MAML3: variants seen among roughly 807,000 people sequenced by gnomAD.
MAML3 encodes the protein mastermind-like protein 3.
In MAML3, 27 loss-of-function variants were observed where a neutral mutation model predicts 101.9. That is an observed-to-expected ratio of 0.27 (90% CI 0.20 to 0.37). The LOEUF (loss-of-function observed/expected upper bound fraction) is 0.37, where lower values mean the gene tolerates loss of function less well. Ranked by LOEUF, MAML3 falls within the 10% of genes least tolerant of loss-of-function variation. The probability of loss-of-function intolerance (pLI) is 1.00; values close to 1 mark genes in which losing one functional copy is unlikely to be tolerated. For missense variants in MAML3, 1,316 were observed against 1,444.9 expected (o/e 0.91, Z 1.45); for synonymous variants, 501 against 555.9 (o/e 0.90, Z 1.39).
intron 2 of MAML3, among the ~76,000 whole-genome samples, chr4:139,749,100 C>T (rs1023484683): frequency 6.6e-6 from 1 of 152,102 alleles, no homozygotes; most frequent in East Asian, 1.9e-4. Context: ...ATATTTCCTT[C>T]CTCAGGAAAG....
chr4:139,975,278 C>T lies in MAML3; in HGVS notation c.469-84311G>A, dbSNP rs553355241. Among the ~76,000 whole-genome samples the T allele has an allele frequency of 4.6e-5, 7 of 152,274 alleles. No homozygotes were observed. In the East Asian group the frequency reaches 9.7e-4, roughly 21 times the overall value. Reference sequence around the variant, plus strand: ...GGCACACTTCAAGCATTTTCACATGCGTTTCCTCTGCCTAGACTGCTCTTT... The same window carrying T: ...GGCACACTTCAAGCATTTTCACATGTGTTTCCTCTGCCTAGACTGCTCTTT... On this transcript the variant is annotated intron_variant, in intron 1 of 4. Transcript: ENST00000509479.
intron 1 of MAML3, among the ~76,000 whole-genome samples, chr4:139,934,211 A>G (rs1184292423): frequency 6.6e-6 from 1 of 151,388 alleles, no homozygotes; most frequent in Non-Finnish European, 1.5e-5. Context: ...TCTGTGTGTG[A>G]TGTATGTATT....
chr4:139,970,711 TC>T (rs1017473253), intron 1 of MAML3, among the ~76,000 whole-genome samples: 3 of 152,202 alleles, frequency 2.0e-5, no homozygotes, highest in African/African-American at 7.2e-5. Context: ...GGGCTCACTC[TC>T]CTGAGGTTCT....
chr4:140,043,787 C>A (rs369057952), intron 1 of MAML3, among the ~76,000 whole-genome samples: 2 of 152,184 alleles, frequency 1.3e-5, no homozygotes, highest in South Asian at 2.1e-4. Context: ...CAGAAAAGTA[C>A]GTTGAAAATC....
chr4:139,891,569 T>G (rs755452118), intron 1 of MAML3, among the ~76,000 whole-genome samples: 2 of 152,176 alleles, frequency 1.3e-5, no homozygotes, highest in Non-Finnish European at 2.9e-5. Context: ...TGAGCCACCA[T>G]GAATGCTAGA....
chr4:139,951,628 G>A (rs577155925), intron 1 of MAML3, among the ~76,000 whole-genome samples: 1 of 152,306 alleles, frequency 6.6e-6, no homozygotes, highest in Non-Finnish European at 1.5e-5. Flanking sequence ...CTCCTACCAA[G>A]AGGAGAGAGG....
chr4:139,974,602 C>G (rs889612454), intron 1 of MAML3, among the ~76,000 whole-genome samples: 1 of 152,078 alleles, frequency 6.6e-6, no homozygotes, highest in Non-Finnish European at 1.5e-5. Flanking sequence ...TATTTCCTCA[C>G]TGGTAAAATG....
At chr4:140,116,082 T>C (rs1338367482) in intron 1 of MAML3, among the ~76,000 whole-genome samples, 6 of 152,204 alleles carry the variant, frequency 3.9e-5, no homozygotes, top group Admixed American at 3.9e-4. Flanking sequence ...TTTCCCTTTT[T>C]TAAAAAAGAT....
intron 1 of MAML3, among the ~76,000 whole-genome samples, chr4:139,957,727 A>T (rs1733940510): frequency 6.6e-6 from 1 of 152,232 alleles, no homozygotes. Context: ...TTCTCACTCT[A>T]AATTATTATG....
At chr4:139,928,034 C>T (rs114931886) in intron 1 of MAML3, among the ~76,000 whole-genome samples, 5,999 of 152,224 alleles carry the variant, frequency 0.039, 147 homozygotes, top group Middle Eastern at 0.075. Context: ...CATTTATATA[C>T]ATACAGCTAT....
intron 1 of MAML3, among the ~76,000 whole-genome samples, chr4:140,005,427 C>T (rs188127022): frequency 7.4e-4 from 112 of 152,334 alleles, no homozygotes; most frequent in Middle Eastern, 3.4e-3. Context: ...ATGATCACCA[C>T]AGGACTAGAT....
chr4:139,788,259 T>C (rs1730339377), intron 2 of MAML3, among the ~76,000 whole-genome samples: 1 of 152,202 alleles, frequency 6.6e-6, no homozygotes, highest in Admixed American at 6.5e-5. Flanking sequence ...TTTTCCAACC[T>C]GTGGTGGCAA....
chr4:139,909,964 T>C (rs1169443672), intron 1 of MAML3, among the ~76,000 whole-genome samples: 3 of 149,888 alleles, frequency 2.0e-5, no homozygotes, highest in Non-Finnish European at 4.4e-5. Context: ...TGGAAATGAG[T>C]CCTGTTAATT....
At chr4:140,129,832 G>T (rs540240817) in intron 1 of MAML3, among the ~76,000 whole-genome samples, 1 of 152,076 alleles carries the variant, frequency 6.6e-6, no homozygotes, top group Non-Finnish European at 1.5e-5. Flanking sequence ...AGGCATGGTG[G>T]CGTGCACCTG....
chr4:139,966,424 A>T (rs2110783295), intron 1 of MAML3, among the ~76,000 whole-genome samples: 1 of 152,308 alleles, frequency 6.6e-6, no homozygotes, highest in South Asian at 2.1e-4. Flanking sequence ...TTTTCATGTT[A>T]GAAAAATGGT....
intron 2 of MAML3, among the ~76,000 whole-genome samples, chr4:139,817,504 C>T (rs1730911058): frequency 1.3e-5 from 2 of 152,164 alleles, no homozygotes; most frequent in African/African-American, 2.4e-5. Context: ...ATCCCCATTT[C>T]CAAATATTGC....
At chr4:139,758,010 A>G (rs895301172) in intron 2 of MAML3, among the ~76,000 whole-genome samples, 1 of 152,026 alleles carries the variant, frequency 6.6e-6, no homozygotes, top group Non-Finnish European at 1.5e-5. Context: ...CATGCCCATC[A>G]GTTTCTCTCC....
At chr4:139,972,761 G>C (rs1288488721) in intron 1 of MAML3, among the ~76,000 whole-genome samples, 1 of 152,130 alleles carries the variant, frequency 6.6e-6, no homozygotes, top group Non-Finnish European at 1.5e-5. Flanking sequence ...TTTAAATTGT[G>C]AATTCTGACG....
At chr4:139,788,161 A>ATTTC (rs113091762) in intron 2 of MAML3, among the ~76,000 whole-genome samples, 75 of 152,304 alleles carry the variant, frequency 4.9e-4, no homozygotes, top group African/African-American at 1.7e-3. Context: ...AATGTTTCCC[A>ATTTC]TTTCTTTTCG....
Sources: gnomAD v4.1 joint callset for allele counts (sites outside exome capture counted in the v4.1 genomes callset) on GRCh38, gnomAD v4.1.1 for gene constraint, MANE v1.5 for transcripts, NCBI Gene and HGNC (gene_info 2026-07-23, HGNC 2026-07-21) for gene names.